The following FSTL4 variants were observed in gnomAD, a reference collection of about 807,000 sequenced individuals.
FSTL4 encodes follistatin-related protein 4.
A neutral mutation model predicts 78.2 loss-of-function variants in FSTL4; 28 were observed. The ratio of observed to expected loss-of-function variants is 0.36; its 90% CI spans 0.27 to 0.49. The LOEUF (loss-of-function observed/expected upper bound fraction) is 0.49, where lower values mean the gene tolerates loss of function less well. Ranked by LOEUF, FSTL4 falls within the 20% of genes least tolerant of loss-of-function variation. FSTL4 has a pLI of 0.98. For missense variants in FSTL4, 922 were observed against 1,084.9 expected (o/e 0.85, Z 2.11); for synonymous variants, 422 against 440.5 (o/e 0.96, Z 0.53).
intron 7 of FSTL4, among the ~76,000 whole-genome samples, chr5:133,240,638 G>A (rs1451051988): frequency 6.6e-6 from 1 of 151,870 alleles, no homozygotes; most frequent in East Asian, 1.9e-4. Flanking sequence ...TCTGACTGTG[G>A]ATGCCAAAGG....
intron 13 of FSTL4, among the ~76,000 whole-genome samples, chr5:133,212,943 A>G (rs1750783789): frequency 6.6e-6 from 1 of 152,204 alleles, no homozygotes; most frequent in African/African-American, 2.4e-5. Context: ...ATGAAATGAT[A>G]CCTTAAAATG....
the FSTL4 span, among the ~76,000 whole-genome samples, chr5:133,751,680 A>G: frequency 2.6e-5 from 4 of 152,206 alleles, no homozygotes; most frequent in Non-Finnish European, 5.9e-5. Context: ...ACGGATAATC[A>G]AAAACAAACT....
chr5:133,402,396 A>G (rs1342094802), intron 3 of FSTL4, among the ~76,000 whole-genome samples: 5 of 152,224 alleles, frequency 3.3e-5, no homozygotes, highest in Admixed American at 3.3e-4. Flanking sequence ...ACAGATGGAA[A>G]GTTGAGAATT....
chr5:133,825,732 G>C, the FSTL4 span, among the ~76,000 whole-genome samples: 10 of 152,202 alleles, frequency 6.6e-5, no homozygotes, highest in Non-Finnish European at 1.3e-4. Context: ...ACTTGTGCCA[G>C]GGAGCACGGA....
intron 7 of FSTL4, chr5:133,243,631 G>A (rs994313558): frequency 6.6e-6 from 1 of 152,266 alleles, no homozygotes; most frequent in East Asian, 1.9e-4. Flanking sequence ...GTAGGCCCAT[G>A]GGCAAGTTCT....
intron 6 of FSTL4, among the ~76,000 whole-genome samples, chr5:133,275,041 C>T (rs1752849037): frequency 6.6e-6 from 1 of 151,752 alleles, no homozygotes; most frequent in African/African-American, 2.4e-5. Context: ...GCGGGTGGAT[C>T]ACTTGAGGTT....
the FSTL4 span, among the ~76,000 whole-genome samples, chr5:133,659,352 A>G: frequency 6.6e-6 from 1 of 151,922 alleles, no homozygotes; most frequent in Non-Finnish European, 1.5e-5. Context: ...TAGCATCCTC[A>G]TTTTCCCTTT....
At chr5:133,346,266 G>C (rs1215350384) in intron 4 of FSTL4, among the ~76,000 whole-genome samples, 1 of 152,098 alleles carries the variant, frequency 6.6e-6, no homozygotes, top group Non-Finnish European at 1.5e-5. Flanking sequence ...AGGGGAGGGA[G>C]AGCATTAGAA....
At chr5:133,202,692 C>G (rs1750367416) in intron 14 of FSTL4, 1 of 152,282 alleles carries the variant, frequency 6.6e-6, no homozygotes, top group African/African-American at 2.4e-5. Context: ...GTTGAGATGT[C>G]TTGCATTTAG....
the FSTL4 span, among the ~76,000 whole-genome samples, chr5:133,783,167 C>A: frequency 6.6e-6 from 1 of 152,182 alleles, no homozygotes; most frequent in Non-Finnish European, 1.5e-5. Flanking sequence ...AGCTCCCCAC[C>A]ACAAGCCTTC....
intron 3 of FSTL4, among the ~76,000 whole-genome samples, chr5:133,408,523 G>A (rs1437525867): frequency 6.6e-6 from 1 of 151,646 alleles, no homozygotes; most frequent in African/African-American, 2.4e-5. Context: ...CGCTGCTGTG[G>A]GGGAGCTGAC....
In FSTL4 at chr5:133,325,136, G is replaced by C. The variant is rs147554584; in HGVS notation, c.410-8484C>G. Among the ~76,000 whole-genome samples the C allele has an allele frequency of 6.9e-3, 1,052 of 152,300 alleles. 14 individuals are homozygous for C. Among genetic ancestry groups the C allele is most frequent in the African/African-American group, 0.024 (1,002 of 41,564 alleles). On this transcript the variant is annotated intron_variant, in intron 4 of 15. Coordinates refer to ENST00000265342, the MANE Select transcript of FSTL4 (RefSeq NM_015082.2). ...TGGCATTGCTGGTCAGGAGAGCCGT[G>C]GATCACCCTGTGAAGAGGCCAGCTG...
At chr5:133,368,303 C>G (rs1162605392) in intron 4 of FSTL4, among the ~76,000 whole-genome samples, 2 of 152,236 alleles carry the variant, frequency 1.3e-5, no homozygotes, top group Admixed American at 6.5e-5. Context: ...CCTTGGATGC[C>G]AAGGCTCAGG....
the FSTL4 span, among the ~76,000 whole-genome samples, chr5:133,757,496 A>AT: frequency 6.6e-6 from 1 of 152,216 alleles, no homozygotes; most frequent in Admixed American, 6.5e-5. Flanking sequence ...GGCAGCTGAA[A>AT]TTTTGTTATC....
At chr5:133,633,718 A>G in the FSTL4 span, among the ~76,000 whole-genome samples, 1 of 151,920 alleles carries the variant, frequency 6.6e-6, no homozygotes, top group African/African-American at 2.4e-5. Context: ...ATGTTCTGAA[A>G]CTCTGGATCT....
chr5:133,272,762 G>A (rs899358199), intron 6 of FSTL4, among the ~76,000 whole-genome samples: 8 of 152,214 alleles, frequency 5.3e-5, no homozygotes, highest in African/African-American at 1.7e-4. Context: ...AGGCAGCATC[G>A]CGAGTGGTGA....
intron 6 of FSTL4, among the ~76,000 whole-genome samples, chr5:133,281,483 G>T (rs540863903): frequency 6.1e-4 from 93 of 152,258 alleles, no homozygotes; most frequent in African/African-American, 2.1e-3. Context: ...CCATTGTACA[G>T]ATGAGAAAAC....
chr5:133,248,014 C>A (rs528717811), intron 7 of FSTL4: 1 of 152,400 alleles, frequency 6.6e-6, no homozygotes, highest in South Asian at 2.1e-4. Flanking sequence ...AAGGGACCTC[C>A]AAGGTCACTG....
the FSTL4 span, among the ~76,000 whole-genome samples, chr5:133,672,962 A>G: frequency 2.0e-5 from 3 of 152,216 alleles, no homozygotes; most frequent in Non-Finnish European, 4.4e-5. Flanking sequence ...GACATCAATC[A>G]ATATATGTAA....
Sources: allele counts gnomAD v4.1 joint callset (sites outside exome capture counted in the v4.1 genomes callset), GRCh38; gene constraint gnomAD v4.1.1; transcripts MANE v1.5; gene names NCBI Gene and HGNC (gene_info 2026-07-23, HGNC 2026-07-21).